The following CCDC50 variants were observed in gnomAD, a reference collection of about 807,000 sequenced individuals.
CCDC50 encodes coiled-coil domain-containing protein 50.
Under a neutral mutation model 70.2 loss-of-function variants are expected in CCDC50, and 54 were observed. That is an observed-to-expected ratio of 0.77 (90% CI 0.62 to 0.96). CCDC50 has a LOEUF of 0.96. Among genes scored for constraint, CCDC50 ranks in the 50% least tolerant of loss-of-function variants. The pLI is 0.00. For missense variants in CCDC50, 558 were observed against 578.7 expected, an observed-to-expected ratio of 0.96 and a Z score of 0.37; for synonymous variants, 216 against 198.8, an observed-to-expected ratio of 1.09 and a Z score of -0.73.
intron 1 of CCDC50, among the ~76,000 whole-genome samples, chr3:191,353,909 A>G (rs1190602458): frequency 6.6e-6 from 1 of 152,140 alleles, no homozygotes; most frequent in East Asian, 1.9e-4. Context: ...TCTTTTGGGT[A>G]CTAGTTCAGC....
At chr3:191,338,300 G>A (rs1711587231) in intron 1 of CCDC50, among the ~76,000 whole-genome samples, 1 of 152,102 alleles carries the variant, frequency 6.6e-6, no homozygotes, top group Admixed American at 6.5e-5. Flanking sequence ...TTTATATTAT[G>A]AAGGTCTGTG....
chr3:191,372,549 T>G (rs940088010), intron 5 of CCDC50, among the ~76,000 whole-genome samples: 1 of 152,174 alleles, frequency 6.6e-6, no homozygotes, highest in Non-Finnish European at 1.5e-5. Context: ...TCTGTATGCC[T>G]TTGTATATCT....
chr3:191,338,942 GT>G, intron 1 of CCDC50, among the ~76,000 whole-genome samples: 1 of 152,282 alleles, frequency 6.6e-6, no homozygotes, highest in East Asian at 1.9e-4. Context: ...AGAGTATTCA[GT>G]TAGTTTCTTA....
At chr3:191,383,089 A>G (rs1318181716) in intron 10 of CCDC50, among the ~76,000 whole-genome samples, 1 of 152,298 alleles carries the variant, frequency 6.6e-6, no homozygotes, top group East Asian at 1.9e-4. Context: ...TTACCTCTGC[A>G]TTCACTGAAT....
At chr3:191,358,823 G>T (rs552671810) in intron 3 of CCDC50, among the ~76,000 whole-genome samples, 4 of 152,256 alleles carry the variant, frequency 2.6e-5, no homozygotes, top group African/African-American at 9.6e-5. Flanking sequence ...CACAGATACT[G>T]TGTTGAGGAG....
intron 1 of CCDC50, 119 bp from the exon 2 acceptor site, chr3:191,356,969 G>T (rs953341290): frequency 1.4e-6 from 1 of 727,452 alleles, no homozygotes; most frequent in Non-Finnish European, 2.5e-6. Context: ...ATTATAAAGT[G>T]TGTCATTCTG....
At chr3:191,356,086 C>T (rs1252064473) in intron 1 of CCDC50, among the ~76,000 whole-genome samples, 1 of 152,144 alleles carries the variant, frequency 6.6e-6, no homozygotes, top group African/African-American at 2.4e-5. Flanking sequence ...TTCATGAGTC[C>T]TACTCAATTG....
At chr3:191,385,540 CCA>C (rs1230647620) in intron 10 of CCDC50, among the ~76,000 whole-genome samples, 2 of 152,106 alleles carry the variant, frequency 1.3e-5, no homozygotes, top group African/African-American at 4.8e-5. Flanking sequence ...CCTAAAGAGT[CCA>C]GATATTAATC....
chr3:191,354,835 G>A (rs1467896686), intron 1 of CCDC50, among the ~76,000 whole-genome samples: 1 of 152,094 alleles, frequency 6.6e-6, no homozygotes, highest in African/African-American at 2.4e-5. Context: ...AATATAAAAT[G>A]GGGTAGTATT....
chr3:191,354,829 T>C (rs371361483), intron 1 of CCDC50, among the ~76,000 whole-genome samples: 1 of 152,276 alleles, frequency 6.6e-6, no homozygotes. Context: ...GCCCCTAATA[T>C]AAAATGGGGT....
Position 191,370,780 on chromosome 3 carries a change from C to T in CCDC50, c.448+744C>T, listed in dbSNP as rs916329122. Among the ~76,000 whole-genome samples, 8 of 152,218 alleles carry T rather than the reference C, an allele frequency of 5.3e-5. No individual in the cohort carries two copies. The East Asian group carries it at 5.8e-4, about 11-fold the overall frequency. ...CTGGGATTACAGATGTGAGCCACCG[C>T]GCCCGGCCTTATCTGTTCTTTAGTT... On this transcript the variant is annotated intron_variant, in intron 5 of 11. Transcript: ENST00000392455.
At chr3:191,383,419 C>CT (rs59130355) in intron 10 of CCDC50, among the ~76,000 whole-genome samples, 29 of 145,330 alleles carry the variant, frequency 2.0e-4, no homozygotes, top group South Asian at 2.2e-4. Context: ...GAAGTAACCT[C>CT]TTTTTTTTTT....
intron 1 of CCDC50, among the ~76,000 whole-genome samples, chr3:191,356,827 G>A (rs1312856317): frequency 7.9e-5 from 12 of 152,302 alleles, no homozygotes; most frequent in African/African-American, 2.4e-4. Flanking sequence ...TTCTGTAAAT[G>A]TTCTCACCTC....
At chr3:191,339,475 GCTGCCC>G (rs1711649011) in intron 1 of CCDC50, among the ~76,000 whole-genome samples, 2 of 152,248 alleles carry the variant, frequency 1.3e-5, no homozygotes, top group Admixed American at 1.3e-4. Context: ...CTAGATACAG[GCTGCCC>G]CTGATTTTCT....
At position 191,375,198 on chromosome 3, in the gene CCDC50, A is replaced by ATT. The variant is rs1713053779; in HGVS notation, c.585_586insTT (p.Gln196PhefsTer53). The ATT allele has an allele frequency of 6.2e-7, 1 of 1,613,718 alleles. No homozygotes were observed. Among genetic ancestry groups the ATT allele is most frequent in the South Asian group, 1.1e-5 (1 of 91,088 alleles). The stretch of plus-strand genomic sequence containing the variant: ...CACTGGAGAACTTGGAAGAGCCAGA[A>ATT]CAACATTGTTCATCGAAGAGATCCC... On this transcript the variant is annotated frameshift_variant, in exon 6 of 12. Coordinates refer to ENST00000392455, the MANE Select transcript of CCDC50 (RefSeq NM_178335.3). LOFTEE classifies it high-confidence loss of function.
Position 191,361,017 on chromosome 3 carries a change from A to G in CCDC50, c.240-52A>G. The G allele has an allele frequency of 3.3e-6, 4 of 1,214,298 alleles. No individual in the cohort carries two copies. The South Asian group carries it at 4.9e-5, about 15-fold the overall frequency. The allele number at this position is 1,214,298 out of a possible 1,614,324, so 75.2% of individuals were successfully genotyped here. On this transcript the variant is annotated intron_variant, in intron 3 of 11. Transcript: ENST00000392455. ...ATAAATTGTATTTATTACTTTTAGG[A>G]AATACATTATTTTTTATTTTCCTTA...
At position 191,349,364 on chromosome 3, in the gene CCDC50, C is replaced by T. The variant is rs1432456605; in HGVS notation, c.50-7724C>T. ...AAATACGTTTATTATTTCAAAGTGT[C>T]ATTAATATATCTTAGACACATGAGT... On this transcript the variant is annotated intron_variant, in intron 1 of 11. Transcript: ENST00000392455. 9.2e-5 allele frequency among the ~76,000 whole-genome samples: 13 copies of T among 142,060 alleles called. 1 individual carries two copies. The highest frequency in any genetic ancestry group is 2.1e-4 in the Non-Finnish European group (13 of 63,014). 93.2% of individuals were successfully genotyped at this position (142,060 alleles called of 152,430 possible). A position where few individuals can be genotyped will look rare whatever the true frequency, so the allele number is the denominator to read the frequency against.
At chr3:191,345,482 T>C (rs1305270699) in intron 1 of CCDC50, among the ~76,000 whole-genome samples, 4 of 152,212 alleles carry the variant, frequency 2.6e-5, no homozygotes, top group Non-Finnish European at 5.9e-5. Flanking sequence ...ATTTGTGCTG[T>C]CAGATGGAAA....
At chr3:191,356,884 G>C (rs1712302930) in intron 1 of CCDC50, among the ~76,000 whole-genome samples, 1 of 152,112 alleles carries the variant, frequency 6.6e-6, no homozygotes, top group Non-Finnish European at 1.5e-5. Context: ...CCCTGTGCTT[G>C]GCACTAAGCA....
Sources: gnomAD v4.1 joint callset for allele counts (sites outside exome capture counted in the v4.1 genomes callset) on GRCh38, gnomAD v4.1.1 for gene constraint, MANE v1.5 for transcripts, NCBI Gene and HGNC (gene_info 2026-07-23, HGNC 2026-07-21) for gene names.